The following THEMIS2 variants were observed in gnomAD, a reference collection of about 807,000 sequenced individuals.
THEMIS2 encodes protein THEMIS2.
A neutral mutation model predicts 46.8 loss-of-function variants in THEMIS2; 29 were observed. That is an observed-to-expected ratio of 0.62 (90% CI 0.46 to 0.84). The LOEUF (loss-of-function observed/expected upper bound fraction) is 0.84, where lower values mean the gene tolerates loss of function less well. Ranked by LOEUF, THEMIS2 falls within the 40% of genes least tolerant of loss-of-function variation. The pLI, the probability that THEMIS2 is intolerant of heterozygous loss-of-function variation, is 0.00. For missense variants in THEMIS2, 698 were observed against 834.7 expected (o/e 0.84, Z 2.02); for synonymous variants, 335 against 349.1 (o/e 0.96, Z 0.45).
chr1:27,882,147 T>C lies in THEMIS2; in HGVS notation c.823T>C (p.Phe275Leu). Residue 275 changes from phenylalanine (F) to leucine (L), a missense_variant, in exon 4 of 6, where the codon TTC (phenylalanine) becomes CTC (leucine). Phe to Leu is a conservative substitution (Grantham distance 22). Transcript: ENST00000373921. The surrounding 1 kb of genome is among the most constrained non-coding windows in gnomAD (Gnocchi z 7.6). The stretch of plus-strand genomic sequence containing the variant: ...GGAGGTTCCTGAGGGCCGCCCCATC[T>C]TCCTCAGCCCGTGGGTGGGCTCCTT... ...ILEVPEGRPI[F>L]LSPWVGSLQK... The C allele has an allele frequency of 6.2e-7, 1 of 1,614,208 alleles. No homozygotes were observed. The highest frequency in any genetic ancestry group is 8.5e-7 in the Non-Finnish European group (1 of 1,180,026).
At position 27,872,634 on chromosome 1, in the gene THEMIS2, G is replaced by A; in HGVS notation, c.63G>A (p.Val21=). The stretch of plus-strand genomic sequence containing the variant: ...TGGACCCCGCCTCCCTCCCGCGCGT[G>A]CTGCGGGTCTGCTCGGGGGTCTACT... ...RALDPASLPR[V]LRVCSGVYFE... is the part of the protein sequence containing the mutation. Residue 21 remains valine, a synonymous_variant, in exon 1 of 6, where the codon GTG becomes GTA. Coordinates refer to ENST00000373921, the MANE Select transcript of THEMIS2 (RefSeq NM_001105556.3). This position sits in a 1 kb window ranked among gnomAD's most constrained non-coding sequence, Gnocchi z 4.9. 6.8e-7 allele frequency: 1 copy of A among 1,468,368 alleles called. No individual in the cohort carries two copies. Among genetic ancestry groups the A allele is most frequent in the Non-Finnish European group, 9.0e-7 (1 of 1,110,326 alleles). The allele number at this position is 1,468,368 out of a possible 1,614,324, so 91.0% of individuals were successfully genotyped here. A position where few individuals can be genotyped will look rare whatever the true frequency, so the allele number is the denominator to read the frequency against.
Position 27,882,975 on chromosome 1 carries a change from C to T in THEMIS2, c.1651C>T (p.Pro551Ser), listed in dbSNP as rs1359243950. Residue 551 changes from proline (P) to serine (S), a missense_variant, in exon 4 of 6, where the codon CCA becomes TCA. Physicochemically the swap from Pro to Ser is moderately conservative, Grantham distance 74 (BLOSUM62 -1). Coordinates refer to ENST00000373921, the MANE Select transcript of THEMIS2 (RefSeq NM_001105556.3). This position sits in a 1 kb window ranked among gnomAD's most constrained non-coding sequence, Gnocchi z 7.6. The part of the protein sequence containing the change: ...KLPACEIQAP[P>S]PRPPKNQGLS... ...ACCAGCCTGTGAGATCCAAGCCCCC[C>T]CACCCAGGCCCCCTAAAAATCAGGG... 1 of 1,613,744 alleles carries T rather than the reference C, an allele frequency of 6.2e-7. No individual in the cohort carries two copies. Among genetic ancestry groups the T allele is most frequent in the Non-Finnish European group, 8.5e-7 (1 of 1,179,934 alleles).
chr1:27,883,145 G>C (rs2089715294), intron 4 of THEMIS2, 102 bp downstream of exon 4: 2 of 1,054,592 alleles, frequency 1.9e-6, no homozygotes, highest in East Asian at 5.1e-5. Context: ...GTGTAAACTT[G>C]TAGTTTATAA....
intron 2 of THEMIS2, 33 bp downstream of exon 2, chr1:27,876,761 C>G: frequency 6.2e-7 from 1 of 1,609,404 alleles, no homozygotes; most frequent in East Asian, 2.2e-5. Context: ...CCCATGTGCC[C>G]TGGCACTCTC....
chr1:27,873,320 G>A (rs574214701), intron 1 of THEMIS2, among the ~76,000 whole-genome samples: 5 of 152,270 alleles, frequency 3.3e-5, no homozygotes, highest in African/African-American at 1.2e-4. Flanking sequence ...AGGAGCAAGC[G>A]GTGAGGGAAT....
chr1:27,879,616 C>G, intron 2 of THEMIS2, 28 bp from the exon 3 acceptor site: 1 of 1,548,396 alleles, frequency 6.5e-7, no homozygotes. Flanking sequence ...CCCACAGTGA[C>G]CTGCCTGCTC....
In THEMIS2 at chr1:27,879,847, G is replaced by A; in HGVS notation, c.439G>A (p.Val147Ile). 1 of 1,613,290 alleles carries A rather than the reference G, an allele frequency of 6.2e-7. No individual in the cohort carries two copies. ...CCTCGGGATCCGCTCTGCCCGCTGT[G>A]TCCTGGGCATGGAGGGTCAGCAGGT... ...MHLGIRSARCVLGMEGQQVIL... is the reference protein window; with the variant it reads ...MHLGIRSARCILGMEGQQVIL... The change falls in exon 3 of 6, where the codon GTC becomes ATC. Residue 147 changes from valine to isoleucine, a missense_variant. Transcript: ENST00000373921.
chr1:27,876,625 C>T lies in THEMIS2; in HGVS notation c.132C>T (p.Leu44=), dbSNP rs2148633240. 6.2e-7 allele frequency: 1 copy of T among 1,614,090 alleles called. No homozygotes were observed. ...AGATCTCTGGGAATGAGTGCTGCCT[C>T]TCCACGGGGGACCTGATCAAGGTCA... ...IYEISGNECC[L]STGDLIKVTQ... Residue 44 remains leucine (L), a synonymous_variant, in exon 2 of 6, where the codon CTC becomes CTT. Transcript: ENST00000373921.
chr1:27,881,092 T>A (rs1161682242), intron 3 of THEMIS2, among the ~76,000 whole-genome samples: 1 of 151,828 alleles, frequency 6.6e-6, no homozygotes, highest in Non-Finnish European at 1.5e-5. Context: ...AAAATAATAA[T>A]TTTAAAATTT....
chr1:27,876,851 T>A, intron 2 of THEMIS2, 123 bp downstream of exon 2: 1 of 1,223,586 alleles, frequency 8.2e-7, no homozygotes, highest in Non-Finnish European at 1.1e-6. Flanking sequence ...CCCGAGGCCC[T>A]CACATTCACC....
At chr1:27,879,149 G>A (rs780344045) in intron 2 of THEMIS2, among the ~76,000 whole-genome samples, 2 of 152,170 alleles carry the variant, frequency 1.3e-5, no homozygotes, top group African/African-American at 2.4e-5. Context: ...CAGTCGGGCA[G>A]TCACTATTGG....
chr1:27,879,756 G>T lies in THEMIS2; in HGVS notation c.348G>T (p.Arg116Ser). 1 of 1,614,126 alleles carries T rather than the reference G, an allele frequency of 6.2e-7. No homozygotes were observed. The highest frequency in any genetic ancestry group is 8.5e-7 in the Non-Finnish European group (1 of 1,180,014). ...QLPTCFMSTH[R>S]IVTEGRVVTE... ...CCACTTGCTTCATGTCGACCCACAG[G>T]ATTGTCACAGAGGGCAGGGTGGTGA... The change falls in exon 3 of 6, where the codon AGG (arginine) becomes AGT (serine). Residue 116 changes from arginine to serine, a missense_variant. Arg to Ser is a moderately radical substitution (Grantham distance 110). Transcript: ENST00000373921.
rs758381094 is a variant in THEMIS2 at position 27,879,880 on chromosome 1, C to T, written c.472C>T (p.His158Tyr). ...LGMEGQQVIL[H>Y]LPLSQKGPFW... is the part of the protein sequence containing the mutation. ...CATGGAGGGTCAGCAGGTCATCCTGCACCTGCCCCTATCCCAGAAGGGGCC... is the reference window on the plus strand; with the variant it reads ...CATGGAGGGTCAGCAGGTCATCCTGTACCTGCCCCTATCCCAGAAGGGGCC... Residue 158 changes from histidine to tyrosine, a missense_variant, in exon 3 of 6, where the codon CAC becomes TAC. By Grantham distance (83) the His-to-Tyr change is moderately conservative. Transcript: ENST00000373921. 2.7e-5 allele frequency: 43 copies of T among 1,613,064 alleles called. No individual in the cohort carries two copies. Among genetic ancestry groups the T allele is most frequent in the African/African-American group, 4.0e-5 (3 of 75,000 alleles).
chr1:27,882,822 A>C lies in THEMIS2; in HGVS notation c.1498A>C (p.Ile500Leu). 1 of 1,613,632 alleles carries C rather than the reference A, an allele frequency of 6.2e-7. No individual in the cohort carries two copies. The highest frequency in any genetic ancestry group is 8.5e-7 in the Non-Finnish European group (1 of 1,179,840). Residue 500 changes from isoleucine to leucine, a missense_variant, in exon 4 of 6, where the codon ATC (isoleucine) becomes CTC (leucine). By Grantham distance (5) the Ile-to-Leu change is conservative. Coordinates refer to ENST00000373921, the MANE Select transcript of THEMIS2 (RefSeq NM_001105556.3). This position sits in a 1 kb window ranked among gnomAD's most constrained non-coding sequence, Gnocchi z 7.6. ...CTCTGAGCCTGGGATGTGCTTTGAG[A>C]TCCCTCCCCGGTGGCTGGACCTGAC... ...LDSEPGMCFE[I>L]PPRWLDLTVV...
At chr1:27,875,660 C>G (rs896310852) in intron 1 of THEMIS2, among the ~76,000 whole-genome samples, 2 of 152,074 alleles carry the variant, frequency 1.3e-5, no homozygotes, top group African/African-American at 4.8e-5. Flanking sequence ...CTTCTGTGTT[C>G]TCGACACCAC....
chr1:27,882,683 T>C lies in THEMIS2; in HGVS notation c.1359T>C (p.Cys453=). Residue 453 remains cysteine, a synonymous_variant, in exon 4 of 6, where the codon TGT becomes TGC. Transcript: ENST00000373921. This position sits in a 1 kb window ranked among gnomAD's most constrained non-coding sequence, Gnocchi z 7.6. ...TGACTGCCCAGTTTTCACTGCCTTG[T>C]GAGGTCAAGGTGGTGGCCAAGGACA... is the stretch of plus-strand genomic sequence containing the variant. ...ADLTAQFSLP[C]EVKVVAKDTS... 1 of 1,613,922 alleles carries C rather than the reference T, an allele frequency of 6.2e-7. No individual in the cohort carries two copies. The highest frequency in any genetic ancestry group is 8.5e-7 in the Non-Finnish European group (1 of 1,180,008).
chr1:27,884,914 CTCTT>C (rs903288104), intron 4 of THEMIS2: 9 of 175,780 alleles, frequency 5.1e-5, no homozygotes, highest in Non-Finnish European at 8.6e-5. Flanking sequence ...AATGGAAGTC[CTCTT>C]TCTTCTGGGC....
At chr1:27,873,532 AAC>A (rs1172703437) in intron 1 of THEMIS2, among the ~76,000 whole-genome samples, 1 of 151,850 alleles carries the variant, frequency 6.6e-6, no homozygotes, top group Non-Finnish European at 1.5e-5. Context: ...GCTGCAGAAA[AAC>A]GCTCTGTCGC....
At chr1:27,881,856 G>T in intron 3 of THEMIS2, 115 bp from the exon 4 acceptor site, 7 of 718,114 alleles carry the variant, frequency 9.7e-6, no homozygotes, top group Non-Finnish European at 1.5e-5. Context: ...AAAAAAAAAA[G>T]AAAGAAAAGA....
Sources: gnomAD v4.1 joint callset for allele counts (sites outside exome capture counted in the v4.1 genomes callset) on GRCh38, gnomAD v4.1.1 for gene constraint, Gnocchi (gnomAD v3.1) non-coding constraint, MANE v1.5 for transcripts, NCBI Gene and HGNC (gene_info 2026-07-23, HGNC 2026-07-21) for gene names.